Variants in ZFYVE9 observed in about 807,000 individuals in gnomAD.
ZFYVE9 encodes zinc finger FYVE domain-containing protein 9.
A neutral mutation model predicts 126.7 loss-of-function variants in ZFYVE9; 43 were observed. That is an observed-to-expected ratio of 0.34 (90% confidence interval 0.27 to 0.44). The LOEUF is 0.44. ZFYVE9 is among the 20% of genes least tolerant of loss of function. The pLI, the probability that ZFYVE9 is intolerant of heterozygous loss-of-function variation, is 1.00. For synonymous variants in ZFYVE9, 521 were observed against 597.4 expected (o/e 0.87, Z 1.87); for missense variants, 1,476 against 1,697.0 (o/e 0.87, Z 2.29).
chr1:52,282,249 CTG>C (rs1176545127), intron 10 of ZFYVE9, among the ~76,000 whole-genome samples: 3 of 151,284 alleles, frequency 2.0e-5, no homozygotes, highest in South Asian at 2.1e-4. Flanking sequence ...TAAATATTAA[CTG>C]TAACAACTTA....
intron 1 of ZFYVE9, among the ~76,000 whole-genome samples, chr1:52,188,457 T>C (rs1644785652): frequency 6.6e-6 from 1 of 152,182 alleles, no homozygotes; most frequent in Non-Finnish European, 1.5e-5. Context: ...AAACCTGCAC[T>C]TGTACCCCTG....
intron 1 of ZFYVE9, among the ~76,000 whole-genome samples, chr1:52,211,611 C>T (rs1037910426): frequency 1.3e-5 from 2 of 152,054 alleles, no homozygotes; most frequent in African/African-American, 2.4e-5. Context: ...AGGCTGAGGC[C>T]GGAGGAACAC....
chr1:52,281,287 T>C (rs1246736031), intron 9 of ZFYVE9, among the ~76,000 whole-genome samples: 2 of 151,816 alleles, frequency 1.3e-5, no homozygotes, highest in Non-Finnish European at 1.5e-5. Flanking sequence ...CGCCCGCCAC[T>C]GCACCCAGCT....
chr1:52,198,684 T>A (rs1459758728), intron 1 of ZFYVE9, among the ~76,000 whole-genome samples: 4 of 152,194 alleles, frequency 2.6e-5, no homozygotes, highest in African/African-American at 9.7e-5. Flanking sequence ...ACTGGATCAG[T>A]AGTGATTCAT....
At chr1:52,330,090 A>T (rs1281786359) in intron 13 of ZFYVE9, among the ~76,000 whole-genome samples, 1 of 152,122 alleles carries the variant, frequency 6.6e-6, no homozygotes, top group Non-Finnish European at 1.5e-5. Flanking sequence ...CAGTTAAAAA[A>T]TGGGCAGGCC....
At chr1:52,158,669 T>A (rs1290669285) in intron 1 of ZFYVE9, among the ~76,000 whole-genome samples, 1 of 152,168 alleles carries the variant, frequency 6.6e-6, no homozygotes, top group East Asian at 1.9e-4. Flanking sequence ...ACTGCCTCCC[T>A]TCGTAGGTGA....
chr1:52,248,296 A>G (rs1645411036), intron 4 of ZFYVE9, among the ~76,000 whole-genome samples: 1 of 152,198 alleles, frequency 6.6e-6, no homozygotes, highest in Admixed American at 6.5e-5. Flanking sequence ...TCTGATGTAC[A>G]TGGGCAGGAG....
chr1:52,327,837 G>A (rs1258918606), intron 13 of ZFYVE9, among the ~76,000 whole-genome samples: 1 of 151,894 alleles, frequency 6.6e-6, no homozygotes, highest in Non-Finnish European at 1.5e-5. Context: ...TAGCCCGGGT[G>A]GTGGCGGGCG....
At position 52,196,670 on chromosome 1, in the gene ZFYVE9, C is replaced by T. The variant is rs895435067; in HGVS notation, c.-142-19699C>T. 2.6e-5 allele frequency among the ~76,000 whole-genome samples: 4 copies of T among 152,202 alleles called. No individual in the cohort carries two copies. The East Asian group carries it at 7.7e-4, about 29-fold the overall frequency. On this transcript the variant is annotated intron_variant, in intron 1 of 18. Transcript: ENST00000287727. ...TTGGTAAATTGGAGGTCATGATAAA[C>T]ATCAATAAAGCCTGGAAGGATTGAT... is the stretch of plus-strand genomic sequence containing the variant.
chr1:52,346,235 C>A lies in ZFYVE9; in HGVS notation c.*14C>A. 2.6e-6 allele frequency: 4 copies of A among 1,566,454 alleles called. No individual in the cohort carries two copies. Among genetic ancestry groups the A allele is most frequent in the Non-Finnish European group, 3.5e-6 (4 of 1,150,862 alleles). On this transcript the variant is annotated 3_prime_UTR_variant, in exon 19 of 19. Transcript: ENST00000287727. The stretch of plus-strand genomic sequence containing the variant: ...AACATCGTATAAACAGAGAAGACTT[C>A]ATTTTTTTCTGTTCAGACTTGTTGC...
intron 1 of ZFYVE9, among the ~76,000 whole-genome samples, chr1:52,215,800 G>C (rs1312078936): frequency 6.6e-6 from 1 of 152,110 alleles, no homozygotes; most frequent in East Asian, 1.9e-4. Flanking sequence ...TTTGTCTTTT[G>C]CATGCATGCC....
intron 1 of ZFYVE9, among the ~76,000 whole-genome samples, chr1:52,186,468 A>G (rs552991914): frequency 6.6e-6 from 1 of 152,264 alleles, no homozygotes; most frequent in Non-Finnish European, 1.5e-5. Flanking sequence ...AGTCCTGGCC[A>G]GGGAGATCAG....
intron 6 of ZFYVE9, among the ~76,000 whole-genome samples, chr1:52,267,451 G>A (rs1645645569): frequency 6.6e-6 from 1 of 152,106 alleles, no homozygotes; most frequent in Non-Finnish European, 1.5e-5. Context: ...CTGTGTAAGT[G>A]CAGGGGATTA....
At chr1:52,201,095 T>C (rs555550108) in intron 1 of ZFYVE9, among the ~76,000 whole-genome samples, 2 of 152,338 alleles carry the variant, frequency 1.3e-5, no homozygotes, top group Non-Finnish European at 2.9e-5. Context: ...CTTGACAATA[T>C]TAAGTCTTTC....
chr1:52,160,339 A>C, intron 1 of ZFYVE9: 1 of 1,129,830 alleles, frequency 8.9e-7, no homozygotes, highest in South Asian at 1.2e-5. Flanking sequence ...CAAAAGACAG[A>C]TTGTGAGTCA....
chr1:52,161,197 A>G (rs1644454713), intron 1 of ZFYVE9, among the ~76,000 whole-genome samples: 3 of 152,218 alleles, frequency 2.0e-5, no homozygotes, highest in Admixed American at 2.0e-4. Flanking sequence ...GTAATAAATA[A>G]GGGTTGTCCT....
At chr1:52,245,332 A>T (rs1239259284) in intron 4 of ZFYVE9, among the ~76,000 whole-genome samples, 2 of 152,010 alleles carry the variant, frequency 1.3e-5, no homozygotes, top group African/African-American at 4.8e-5. Context: ...TGACTTAAAG[A>T]TATAAAATGA....
chr1:52,266,793 TG>T lies in ZFYVE9; in HGVS notation c.2419del (p.Val807TyrfsTer6). The T allele has an allele frequency of 6.2e-7, 1 of 1,608,964 alleles. No individual in the cohort carries two copies. The highest frequency in any genetic ancestry group is 8.5e-7 in the Non-Finnish European group (1 of 1,177,910). ...GALSSPPPTV[M>X]VPVGVLKHPG... is the part of the protein sequence containing the mutation. ...CTGAGCTCTCCACCTCCCACTGTGA[TG>T]GTACCTGTGGGAGTTTTAAAGCACC... On this transcript the variant is annotated frameshift_variant, in exon 6 of 19. Transcript: ENST00000287727. LOFTEE classifies it high-confidence loss of function.
At chr1:52,231,523 A>G (rs1209609105) in intron 2 of ZFYVE9, among the ~76,000 whole-genome samples, 1 of 152,124 alleles carries the variant, frequency 6.6e-6, no homozygotes, top group East Asian at 1.9e-4. Context: ...ATCTCCAAAA[A>G]AAATAATTCA....
Sources: gnomAD v4.1 joint callset for allele counts (sites outside exome capture counted in the v4.1 genomes callset) on GRCh38, gnomAD v4.1.1 for gene constraint, MANE v1.5 for transcripts, NCBI Gene and HGNC (gene_info 2026-07-23, HGNC 2026-07-21) for gene names.